CSMD3: variants seen among roughly 807,000 people sequenced by gnomAD.
CSMD3 encodes CUB and sushi domain-containing protein 3.
Under a neutral mutation model 435.2 loss-of-function variants are expected in CSMD3, and 177 were observed. That is an observed-to-expected ratio of 0.41 (90% CI 0.36 to 0.46). CSMD3 has a LOEUF of 0.46. Among genes scored for constraint, CSMD3 ranks in the 20% least tolerant of loss-of-function variants. The pLI is 0.34. For missense variants in CSMD3, 4,265 were observed against 4,504.6 expected (o/e 0.95, Z 1.52); for synonymous variants, 1,656 against 1,520.5 (o/e 1.09, Z -2.07).
intron 20 of CSMD3, among the ~76,000 whole-genome samples, chr8:112,643,218 T>C (rs1255379661): frequency 6.6e-6 from 1 of 152,104 alleles, no homozygotes; most frequent in Non-Finnish European, 1.5e-5. Context: ...GGCTGCAGAA[T>C]AATTTTTAAA....
chr8:112,329,170 C>A (rs1473706180), intron 45 of CSMD3, among the ~76,000 whole-genome samples: 1 of 152,134 alleles, frequency 6.6e-6, no homozygotes, highest in African/African-American at 2.4e-5. Context: ...AAGACCTCTT[C>A]TCTACATTGT....
chr8:112,282,924 T>C (rs1280195940), intron 58 of CSMD3, among the ~76,000 whole-genome samples: 1 of 152,072 alleles, frequency 6.6e-6, no homozygotes, highest in Non-Finnish European at 1.5e-5. Flanking sequence ...ACAAGAGTCA[T>C]TTCCCAGCAG....
chr8:112,342,027 G>T (rs559199828), intron 41 of CSMD3, among the ~76,000 whole-genome samples: 1 of 152,044 alleles, frequency 6.6e-6, no homozygotes, highest in Non-Finnish European at 1.5e-5. Flanking sequence ...GGAAAAGGCC[G>T]CTTTTGGCCT....
At position 112,492,691 on chromosome 8, in the gene CSMD3, A is replaced by G. The variant is rs1220982400; in HGVS notation, c.5084-8T>C. 6.2e-7 allele frequency: 1 copy of G among 1,610,470 alleles called. No individual in the cohort carries two copies. The highest frequency in any genetic ancestry group is 8.5e-7 in the Non-Finnish European group (1 of 1,176,756). On this transcript the variant is annotated splice_region_variant and splice_polypyrimidine_tract_variant and intron_variant, in intron 30 of 70. Transcript: ENST00000297405. ...AGGACTCTCGCAGTTTTGCTGTAAA[A>G]CAGTGTTAGTATAACATTAATTGCT...
intron 1 of CSMD3, chr8:113,376,842 G>T: frequency 6.2e-7 from 1 of 1,612,894 alleles, no homozygotes; most frequent in Non-Finnish European, 8.5e-7. Context: ...GCAACAACCG[G>T]CCACCTCTGC....
chr8:112,406,949 C>A (rs1394740768), intron 34 of CSMD3, among the ~76,000 whole-genome samples: 1 of 151,950 alleles, frequency 6.6e-6, no homozygotes, highest in Non-Finnish European at 1.5e-5. Flanking sequence ...AAAAGTTTTA[C>A]TTTTGATTCT....
intron 10 of CSMD3, among the ~76,000 whole-genome samples, chr8:112,919,531 A>T (rs757237976): frequency 1.3e-5 from 2 of 151,782 alleles, no homozygotes; most frequent in African/African-American, 4.8e-5. Context: ...CTGGTGTGAG[A>T]TTTTGTTCCT....
At chr8:113,363,537 G>T (rs891775282) in intron 1 of CSMD3, among the ~76,000 whole-genome samples, 1 of 152,104 alleles carries the variant, frequency 6.6e-6, no homozygotes, top group African/African-American at 2.4e-5. Context: ...GTTCCCGGAG[G>T]CTCTAGTGAA....
intron 28 of CSMD3, among the ~76,000 whole-genome samples, chr8:112,514,378 C>G (rs1034192383): frequency 6.6e-6 from 1 of 152,124 alleles, no homozygotes; most frequent in African/African-American, 2.4e-5. Context: ...TTTTGCCCAT[C>G]TAACCATAAA....
At chr8:112,342,572 C>T (rs1825223675) in intron 41 of CSMD3, among the ~76,000 whole-genome samples, 1 of 151,960 alleles carries the variant, frequency 6.6e-6, no homozygotes, top group Admixed American at 6.6e-5. Flanking sequence ...TTCATGAGAA[C>T]AAGGAAAGTG....
intron 7 of CSMD3, 152 bp downstream of exon 7, chr8:112,975,685 G>A (rs900330933): frequency 2.7e-6 from 3 of 1,113,240 alleles, no homozygotes; most frequent in African/African-American, 3.1e-5. Context: ...TCCAGTTTTG[G>A]TTGTTACTAT....
chr8:112,464,237 C>CA (rs34572260), intron 32 of CSMD3, among the ~76,000 whole-genome samples: 8,551 of 81,030 alleles, frequency 0.11, 436 homozygotes, highest in African/African-American at 0.19. Flanking sequence ...GACTCTGTTT[C>CA]AAAAAAAAAA....
intron 1 of CSMD3, among the ~76,000 whole-genome samples, chr8:113,406,142 G>A (rs896185415): frequency 7.9e-5 from 12 of 151,832 alleles, no homozygotes; most frequent in Admixed American, 7.9e-4. Flanking sequence ...ATATAACAGC[G>A]ACACAATTTT....
intron 2 of CSMD3, chr8:113,310,941 C>G (rs1433095847): frequency 1.3e-5 from 2 of 151,750 alleles, no homozygotes; most frequent in Non-Finnish European, 2.9e-5. Flanking sequence ...ATTAAATATA[C>G]TTAACAAATT....
chr8:112,240,032 C>A (rs1267243274), intron 66 of CSMD3, among the ~76,000 whole-genome samples: 1 of 151,970 alleles, frequency 6.6e-6, no homozygotes, highest in South Asian at 2.1e-4. Flanking sequence ...TTTCTTATAG[C>A]CCTCAAGCTT....
At chr8:113,163,669 T>C (rs1276020410) in intron 4 of CSMD3, among the ~76,000 whole-genome samples, 2 of 152,048 alleles carry the variant, frequency 1.3e-5, no homozygotes, top group Non-Finnish European at 2.9e-5. Context: ...AAATTCCAAA[T>C]GTATGAATTA....
rs117760666 is a variant in CSMD3, at chr8:112,248,927, G to A, written c.10111-1796C>T. Among the ~76,000 whole-genome samples, 273 of 152,178 alleles carry A rather than the reference G, an allele frequency of 1.8e-3. 1 individual carries two copies. Among genetic ancestry groups the A allele is most frequent in the Middle Eastern group, 6.8e-3 (2 of 294 alleles). ...CTGTTACATGGATTGATTCCAAGAA[G>A]CACCATTTGCATTTTATTCCTTAAA... On this transcript the variant is annotated intron_variant, in intron 63 of 70. Coordinates refer to ENST00000297405, the MANE Select transcript of CSMD3 (RefSeq NM_198123.2).
intron 23 of CSMD3, among the ~76,000 whole-genome samples, chr8:112,584,825 T>G (rs1338207143): frequency 1.3e-5 from 2 of 151,336 alleles, no homozygotes; most frequent in Non-Finnish European, 3.0e-5. Flanking sequence ...GGGATCTAAC[T>G]GACTCCACTA....
At chr8:113,173,306 T>G (rs1367793387) in intron 4 of CSMD3, among the ~76,000 whole-genome samples, 1 of 152,048 alleles carries the variant, frequency 6.6e-6, no homozygotes, top group East Asian at 1.9e-4. Flanking sequence ...ATGAGACTAT[T>G]TATCCTTTAG....
Sources: gnomAD v4.1 joint callset for allele counts (sites outside exome capture counted in the v4.1 genomes callset) on GRCh38, gnomAD v4.1.1 for gene constraint, MANE v1.5 for transcripts, NCBI Gene and HGNC (gene_info 2026-07-23, HGNC 2026-07-21) for gene names.